NOX4: variants seen among roughly 807,000 people sequenced by gnomAD.
The protein encoded by NOX4 is NADPH oxidase 4, also known as kidney oxidase-1.
A neutral mutation model predicts 87.6 loss-of-function variants in NOX4; 69 were observed. The ratio of observed to expected loss-of-function variants is 0.79; its 90% CI spans 0.65 to 0.96. The LOEUF is 0.96. Ranked by LOEUF, NOX4 falls within the 40% of genes least tolerant of loss-of-function variation. The probability of loss-of-function intolerance (pLI) is 0.00; values close to 1 mark genes in which losing one functional copy is unlikely to be tolerated. For synonymous variants in NOX4, 275 were observed against 238.2 expected, an observed-to-expected ratio of 1.15 and a Z score of -1.42; for missense variants, 680 against 681.5, an observed-to-expected ratio of 1.00 and a Z score of 0.02.
chr11:89,341,629 G>T (rs1251324863), intron 14 of NOX4, among the ~76,000 whole-genome samples: 1 of 151,996 alleles, frequency 6.6e-6, no homozygotes, highest in Non-Finnish European at 1.5e-5. Context: ...ATTTCTCATT[G>T]CTTTCTTTTT....
intron 13 of NOX4, among the ~76,000 whole-genome samples, chr11:89,344,436 G>C (rs2134924784): frequency 6.6e-6 from 1 of 152,214 alleles, no homozygotes; most frequent in Non-Finnish European, 1.5e-5. Context: ...TGTAATCCCA[G>C]GTACTAGGGA....
chr11:89,460,306 C>A (rs897093487), intron 2 of NOX4, among the ~76,000 whole-genome samples: 1 of 152,114 alleles, frequency 6.6e-6, no homozygotes, highest in Non-Finnish European at 1.5e-5. Context: ...CCACAATTGA[C>A]AAATGGGATC....
the NOX4 span, among the ~76,000 whole-genome samples, chr11:89,505,623 G>A: frequency 2.7e-3 from 416 of 151,792 alleles, 4 homozygotes; most frequent in African/African-American, 8.7e-3. Flanking sequence ...GGAAATGTGC[G>A]GCAAAGAGAC....
chr11:89,574,922 G>A, the NOX4 span, among the ~76,000 whole-genome samples: 2 of 152,176 alleles, frequency 1.3e-5, no homozygotes, highest in African/African-American at 4.8e-5. Context: ...GGTGGCTCAC[G>A]CCCATAATCC....
At chr11:89,415,798 T>C (rs1468711702) in intron 8 of NOX4, among the ~76,000 whole-genome samples, 2 of 152,034 alleles carry the variant, frequency 1.3e-5, no homozygotes, top group Admixed American at 1.3e-4. Flanking sequence ...ATCTAGGAAG[T>C]ATTAGAACAG....
At chr11:89,463,638 C>G (rs1328303708) in intron 2 of NOX4, among the ~76,000 whole-genome samples, 1 of 151,690 alleles carries the variant, frequency 6.6e-6, no homozygotes, top group South Asian at 2.1e-4. Flanking sequence ...GAAAGGGAGA[C>G]AGGATAATAA....
chr11:89,450,299 A>C (rs1944901272), intron 3 of NOX4, among the ~76,000 whole-genome samples: 1 of 152,198 alleles, frequency 6.6e-6, no homozygotes, highest in Admixed American at 6.5e-5. Context: ...AGGGTTGAGA[A>C]GTTTTCCTAG....
At chr11:89,423,930 G>T (rs1038887338) in intron 7 of NOX4, among the ~76,000 whole-genome samples, 1 of 151,976 alleles carries the variant, frequency 6.6e-6, no homozygotes, top group Non-Finnish European at 1.5e-5. Flanking sequence ...AATTAGGCAT[G>T]GTGGTGTGTG....
At chr11:89,562,877 A>G in the NOX4 span, among the ~76,000 whole-genome samples, 2 of 152,146 alleles carry the variant, frequency 1.3e-5, no homozygotes, top group Non-Finnish European at 2.9e-5. Context: ...ATGTTGAGGG[A>G]GGGACCTGGT....
Position 89,491,018 on chromosome 11 carries a change from GT to G in NOX4, c.57+171del. 2.6e-6 allele frequency: 2 copies of G among 755,516 alleles called. 1 individual carries two copies. Among genetic ancestry groups the G allele is most frequent in the South Asian group, 3.0e-5 (2 of 66,700 alleles). 46.8% of individuals were successfully genotyped at this position (755,516 alleles called of 1,614,324 possible). On this transcript the variant is annotated intron_variant, in intron 1 of 17. Coordinates refer to ENST00000263317, the MANE Select transcript of NOX4 (RefSeq NM_016931.5). Reference sequence around the variant, plus strand: ...ATGCATTTGGGGGACAGGCGAGGGGGTGGGAGGGGGAGTGTTCATTGTTATC... The same window carrying G: ...ATGCATTTGGGGGACAGGCGAGGGGGGGGAGGGGGAGTGTTCATTGTTATC...
the NOX4 span, among the ~76,000 whole-genome samples, chr11:89,586,122 C>T: frequency 6.6e-6 from 1 of 151,938 alleles, no homozygotes; most frequent in Non-Finnish European, 1.5e-5. Flanking sequence ...TCTCTCACTA[C>T]AACCTCCTTT....
chr11:89,572,584 C>T, the NOX4 span, among the ~76,000 whole-genome samples: 109 of 152,126 alleles, frequency 7.2e-4, no homozygotes, highest in Non-Finnish European at 1.1e-3. Context: ...GAGTCTCACT[C>T]TGTCGCCCAG....
the NOX4 span, among the ~76,000 whole-genome samples, chr11:89,581,386 T>A: frequency 2.6e-5 from 4 of 152,242 alleles, no homozygotes; most frequent in Non-Finnish European, 5.9e-5. Context: ...ATGTCATGTT[T>A]TATTCATCTT....
At chr11:89,509,913 A>G in the NOX4 span, among the ~76,000 whole-genome samples, 1 of 152,048 alleles carries the variant, frequency 6.6e-6, no homozygotes, top group Non-Finnish European at 1.5e-5. Flanking sequence ...TATGCCAGGC[A>G]CTGCTAGGTA....
rs1321782050 is a variant in NOX4 at position 89,444,233 on chromosome 11, C to A, written c.350-1G>T. The A allele has an allele frequency of 2.5e-6, 4 of 1,612,696 alleles. No homozygotes were observed. Among genetic ancestry groups the A allele is most frequent in the Non-Finnish European group, 3.4e-6 (4 of 1,179,048 alleles). Reference sequence around the variant, plus strand: ...ACCAGATGGGCAGCCACATGCACGCCTACAGAATTACACCAGGGGTAAGTT... The same window carrying A: ...ACCAGATGGGCAGCCACATGCACGCATACAGAATTACACCAGGGGTAAGTT... On this transcript the variant is annotated splice_acceptor_variant, in intron 4 of 17. Coordinates refer to ENST00000263317, the MANE Select transcript of NOX4 (RefSeq NM_016931.5). LOFTEE classifies it high-confidence loss of function.
Position 89,497,378 on chromosome 11 carries a change from T to C in NOX4, c.-115+619A>G, listed in dbSNP as rs1322819611. Among the ~76,000 whole-genome samples the C allele has an allele frequency of 3.3e-5, 5 of 150,756 alleles. No homozygotes were observed. The South Asian group carries it at 8.5e-4, about 26-fold the overall frequency. ...GTTGCATCTTCAAACAGCTTTAAAG[T>C]ATTGAGGAAATATGATTGGACTTCT... is the stretch of plus-strand genomic sequence containing the variant. On this transcript the variant is annotated intron_variant, in intron 1 of 18. Transcript: ENST00000527956.
At chr11:89,367,061 T>C (rs1262989243) in intron 12 of NOX4, among the ~76,000 whole-genome samples, 2 of 152,162 alleles carry the variant, frequency 1.3e-5, no homozygotes, top group Non-Finnish European at 2.9e-5. Flanking sequence ...CCAGTTCACA[T>C]TCATTGAATG....
chr11:89,490,399 A>G, intron 2 of NOX4, 59 bp downstream of exon 2: 1 of 1,141,692 alleles, frequency 8.8e-7, no homozygotes. Flanking sequence ...CCAAACCTGT[A>G]GCAATGTCTG....
chr11:89,398,850 T>C (rs940152239), intron 11 of NOX4, among the ~76,000 whole-genome samples: 2 of 151,896 alleles, frequency 1.3e-5, no homozygotes, highest in Non-Finnish European at 2.9e-5. Flanking sequence ...AAATATTATA[T>C]GGTCATTAAC....
Sources: gnomAD v4.1 joint callset for allele counts (sites outside exome capture counted in the v4.1 genomes callset) on GRCh38, gnomAD v4.1.1 for gene constraint, MANE v1.5 for transcripts, NCBI Gene and HGNC (gene_info 2026-07-23, HGNC 2026-07-21) for gene names.